Variants in RTN3 observed in about 807,000 individuals in gnomAD.
The protein encoded by RTN3 is reticulon-3.
Under a neutral mutation model 77.8 loss-of-function variants are expected in RTN3, and 49 were observed. The observed-to-expected ratio is 0.63, with a 90% CI of 0.50 to 0.80. The LOEUF (loss-of-function observed/expected upper bound fraction) is 0.80, where lower values mean the gene tolerates loss of function less well. RTN3 is among the 30% of genes least tolerant of loss of function. The pLI, the probability that RTN3 is intolerant of heterozygous loss-of-function variation, is 0.00. For missense variants in RTN3, 1,236 were observed against 1,211.9 expected, an observed-to-expected ratio of 1.02 and a Z score of -0.29; for synonymous variants, 464 against 446.9, an observed-to-expected ratio of 1.04 and a Z score of -0.48.
chr11:63,758,039 A>G (rs1246764675), intron 8 of RTN3, 117 bp from the exon 9 acceptor site: 1 of 728,718 alleles, frequency 1.4e-6, no homozygotes, highest in African/African-American at 1.8e-5. Context: ...GGGAGAATGC[A>G]TTTCACATTG....
intron 1 of RTN3, among the ~76,000 whole-genome samples, chr11:63,699,907 G>A (rs1424311379): frequency 1.2e-4 from 19 of 152,144 alleles, no homozygotes; most frequent in Admixed American, 1.2e-3. Context: ...TTCATTAATG[G>A]CATTTGAGGA....
At chr11:63,690,767 A>G (rs983061777) in intron 1 of RTN3, among the ~76,000 whole-genome samples, 1 of 152,134 alleles carries the variant, frequency 6.6e-6, no homozygotes, top group East Asian at 1.9e-4. Context: ...TGGTCACTTC[A>G]TCCTCCTCTT....
At chr11:63,738,773 A>G (rs1404656485) in intron 3 of RTN3, among the ~76,000 whole-genome samples, 1 of 152,194 alleles carries the variant, frequency 6.6e-6, no homozygotes, top group Non-Finnish European at 1.5e-5. Flanking sequence ...AATAAAGTCA[A>G]TTGACTTTTG....
intron 2 of RTN3, chr11:63,713,849 T>C (rs1287456827): frequency 1.9e-5 from 6 of 324,086 alleles, no homozygotes; most frequent in Non-Finnish European, 2.5e-5. Flanking sequence ...AAAAGAAAGA[T>C]AGTAGACATT....
At chr11:63,712,635 G>A (rs558070407) in intron 2 of RTN3, among the ~76,000 whole-genome samples, 75 of 151,900 alleles carry the variant, frequency 4.9e-4, no homozygotes, top group African/African-American at 1.7e-3. Flanking sequence ...ATAGGCATGC[G>A]CCACCACACT....
rs1340993052 is a variant in RTN3, at chr11:63,734,708, G to C, written c.2530+13676G>C. ...GTTCACGCTACTGCACTCCAGCCTG[G>C]GTGATAGAGGGAGACTCTGTCTCAA... is the stretch of plus-strand genomic sequence containing the variant. On this transcript the variant is annotated intron_variant, in intron 3 of 8. Coordinates refer to ENST00000377819, the MANE Select transcript of RTN3 (RefSeq NM_001265589.2). Among the ~76,000 whole-genome samples the C allele has an allele frequency of 2.7e-5, 4 of 145,888 alleles. No homozygotes were observed. In the East Asian group the frequency reaches 8.2e-4, roughly 30 times the overall value.
At chr11:63,711,219 G>A (rs898986292) in intron 2 of RTN3, among the ~76,000 whole-genome samples, 3 of 152,028 alleles carry the variant, frequency 2.0e-5, no homozygotes, top group African/African-American at 7.2e-5. Context: ...GGTGGAGGTT[G>A]CAGTGAGCTG....
At chr11:63,752,444 C>G in intron 4 of RTN3, 63 bp from the exon 5 acceptor site, 1 of 1,510,290 alleles carries the variant, frequency 6.6e-7, no homozygotes, top group African/African-American at 1.4e-5. Flanking sequence ...TTCTCAGTAA[C>G]TACTGTGCTA....
At chr11:63,697,314 AT>A (rs1162746820) in intron 1 of RTN3, among the ~76,000 whole-genome samples, 2 of 144,180 alleles carry the variant, frequency 1.4e-5, no homozygotes, top group Non-Finnish European at 1.5e-5. Flanking sequence ...TTTTATTTTT[AT>A]TTTTTTTTGA....
At chr11:63,736,020 A>C (rs1345872856) in intron 3 of RTN3, among the ~76,000 whole-genome samples, 6 of 152,252 alleles carry the variant, frequency 3.9e-5, no homozygotes, top group Admixed American at 2.0e-4. Context: ...ATTATCTCAC[A>C]GTTTTCATGG....
At chr11:63,701,600 G>A (rs1217004127) in intron 1 of RTN3, among the ~76,000 whole-genome samples, 1 of 151,988 alleles carries the variant, frequency 6.6e-6, no homozygotes. Context: ...GACACAGGGG[G>A]CACAGGCATG....
chr11:63,714,272 T>C (rs754648276), intron 2 of RTN3: 1 of 347,524 alleles, frequency 2.9e-6, no homozygotes, highest in Non-Finnish European at 5.6e-6. Context: ...TTTTTCTACA[T>C]GTGGGAAAGC....
intron 3 of RTN3, among the ~76,000 whole-genome samples, chr11:63,727,537 G>T (rs879626217): frequency 2.0e-5 from 3 of 152,196 alleles, no homozygotes; most frequent in Non-Finnish European, 4.4e-5. Flanking sequence ...TTAAAATTCA[G>T]CAGGTGACCT....
In RTN3 at chr11:63,752,683, A is replaced by G. The variant is rs749070178; in HGVS notation, c.2877+38A>G. The stretch of plus-strand genomic sequence containing the variant: ...TGCAGCTCTTGGTGGTAAAACAGAA[A>G]AAGCAGGGACTGGGTTATAATTTGG... On this transcript the variant is annotated intron_variant, in intron 5 of 8. Transcript: ENST00000377819. The G allele has an allele frequency of 2.6e-5, 41 of 1,604,520 alleles. No individual in the cohort carries two copies. In the Admixed American group the frequency reaches 3.2e-4, roughly 13 times the overall value.
intron 8 of RTN3, 52 bp downstream of exon 8, chr11:63,756,222 A>C: frequency 8.0e-7 from 1 of 1,249,686 alleles, no homozygotes; most frequent in Non-Finnish European, 1.2e-6. Context: ...CTTCCCCCCA[A>C]TTATCTTTAG....
intron 3 of RTN3, among the ~76,000 whole-genome samples, chr11:63,727,377 A>C (rs1310961203): frequency 1.3e-5 from 2 of 152,224 alleles, no homozygotes; most frequent in Admixed American, 6.5e-5. Context: ...TGGAATTAGG[A>C]GTCAGGATTT....
chr11:63,728,211 G>A (rs1330749220), intron 3 of RTN3, among the ~76,000 whole-genome samples: 1 of 152,186 alleles, frequency 6.6e-6, no homozygotes, highest in Non-Finnish European at 1.5e-5. Context: ...GATAACATGT[G>A]CAAAGGATTC....
intron 3 of RTN3, among the ~76,000 whole-genome samples, chr11:63,740,376 GGT>G (rs950998907): frequency 5.3e-5 from 8 of 151,438 alleles, no homozygotes; most frequent in African/African-American, 1.9e-4. Context: ...TCACTCCCCA[GGT>G]TCAAGTGATT....
At chr11:63,748,246 A>G (rs1327943454) in intron 3 of RTN3, among the ~76,000 whole-genome samples, 1 of 150,166 alleles carries the variant, frequency 6.7e-6, no homozygotes, top group African/African-American at 2.5e-5. Flanking sequence ...AACCAGGACC[A>G]TCCTGGGCAA....
Sources: gnomAD v4.1 joint callset for allele counts (sites outside exome capture counted in the v4.1 genomes callset) on GRCh38, gnomAD v4.1.1 for gene constraint, MANE v1.5 for transcripts, NCBI Gene and HGNC (gene_info 2026-07-23, HGNC 2026-07-21) for gene names.